PCDH15: variants seen among roughly 807,000 people sequenced by gnomAD.
PCDH15 encodes the protein protocadherin related 15, also known as protocadherin-15.
Under a neutral mutation model 178.5 loss-of-function variants are expected in PCDH15, and 129 were observed. That is an observed-to-expected ratio of 0.72 (90% CI 0.63 to 0.84). The LOEUF is 0.84. PCDH15 is among the 40% of genes least tolerant of loss of function. The pLI is 0.00. For synonymous variants in PCDH15, 800 were observed against 732.0 expected, an observed-to-expected ratio of 1.09 and a Z score of -1.50; for missense variants, 2,230 against 2,099.9, an observed-to-expected ratio of 1.06 and a Z score of -1.21.
intron 3 of PCDH15, among the ~76,000 whole-genome samples, chr10:54,836,042 T>G (rs924889516): frequency 1.3e-5 from 2 of 152,184 alleles, no homozygotes; most frequent in Admixed American, 6.6e-5. Flanking sequence ...TATAAAAAAC[T>G]GAAGGTTTTA....
chr10:54,824,503 C>T (rs1197126604), intron 3 of PCDH15, among the ~76,000 whole-genome samples: 1 of 152,092 alleles, frequency 6.6e-6, no homozygotes, highest in Non-Finnish European at 1.5e-5. Flanking sequence ...AGGCGCTCTC[C>T]AGCCTTTGCT....
chr10:54,617,810 C>CA (rs2093223414), intron 2 of PCDH15, among the ~76,000 whole-genome samples: 1 of 148,126 alleles, frequency 6.8e-6, no homozygotes. Flanking sequence ...CCTATAATCT[C>CA]AGCTACTTGG....
intron 2 of PCDH15, among the ~76,000 whole-genome samples, chr10:54,987,387 A>G (rs10159969): frequency 0.36 from 55,407 of 152,064 alleles, 12,276 homozygotes; most frequent in African/African-American, 0.62. Flanking sequence ...AGCCAGTAAC[A>G]GGATTGCTGG....
chr10:54,477,548 A>G (rs1026439603), intron 3 of PCDH15, among the ~76,000 whole-genome samples: 5 of 152,190 alleles, frequency 3.3e-5, no homozygotes, highest in Non-Finnish European at 7.3e-5. Flanking sequence ...TGTGTACTAC[A>G]TTCTTATAAA....
chr10:55,394,795 A>G (rs1053793666), intron 2 of PCDH15, among the ~76,000 whole-genome samples: 2 of 152,108 alleles, frequency 1.3e-5, no homozygotes, highest in African/African-American at 4.8e-5. Flanking sequence ...TGGATATATT[A>G]TAAAAATCAA....
intron 1 of PCDH15, among the ~76,000 whole-genome samples, chr10:55,254,762 TA>T (rs1204128984): frequency 6.6e-6 from 1 of 152,194 alleles, no homozygotes; most frequent in East Asian, 1.9e-4. Context: ...GAAGCTTATG[TA>T]ATTTGAAATA....
chr10:55,235,906 CAAAAAAAAAAAAAAAA>C (rs144784085), intron 1 of PCDH15, among the ~76,000 whole-genome samples: 1 of 115,630 alleles, frequency 8.6e-6, no homozygotes, highest in African/African-American at 3.2e-5. Flanking sequence ...GACTCCATGT[CAAAAAAAAAAAAAAAA>C]AAAAAAAAAA....
intron 18 of PCDH15, among the ~76,000 whole-genome samples, chr10:54,060,838 A>G (rs1041347897): frequency 6.6e-6 from 1 of 152,140 alleles, no homozygotes; most frequent in African/African-American, 2.4e-5. Flanking sequence ...TGTAAGGAGC[A>G]TAAGAGGTGA....
chr10:55,159,449 T>C (rs1187076659), intron 2 of PCDH15, among the ~76,000 whole-genome samples: 2 of 147,134 alleles, frequency 1.4e-5, no homozygotes, highest in Admixed American at 1.4e-4. Flanking sequence ...ATACATACAC[T>C]ATACAAAGAT....
intron 3 of PCDH15, among the ~76,000 whole-genome samples, chr10:54,811,452 A>G (rs1025586209): frequency 5.3e-5 from 8 of 152,086 alleles, no homozygotes; most frequent in African/African-American, 1.7e-4. Context: ...TAATTCAGTT[A>G]TAGCTAAATA....
chr10:55,476,123 G>A (rs1840057607), intron 2 of PCDH15, among the ~76,000 whole-genome samples: 1 of 152,094 alleles, frequency 6.6e-6, no homozygotes. Context: ...AATAACAGTA[G>A]AGGCTCAATA....
chr10:54,102,834 C>T (rs12243844), intron 15 of PCDH15, among the ~76,000 whole-genome samples: 10,709 of 152,124 alleles, frequency 0.07, 1,093 homozygotes, highest in African/African-American at 0.22. Flanking sequence ...CAGATCCGAG[C>T]TGAAACCCCA....
At chr10:54,296,846 G>C (rs2059827004) in intron 8 of PCDH15, among the ~76,000 whole-genome samples, 1 of 152,128 alleles carries the variant, frequency 6.6e-6, no homozygotes, top group Non-Finnish European at 1.5e-5. Flanking sequence ...CTCAGGGTAT[G>C]GCCCTCCACT....
chr10:55,607,004 G>A (rs1310223299), intron 2 of PCDH15, among the ~76,000 whole-genome samples: 57 of 151,146 alleles, frequency 3.8e-4, no homozygotes, highest in South Asian at 1.1e-3. Context: ...CTCATCTGAC[G>A]AAGGGCTAAT....
chr10:55,505,099 T>C (rs897722949), intron 2 of PCDH15, among the ~76,000 whole-genome samples: 2 of 151,484 alleles, frequency 1.3e-5, no homozygotes, highest in South Asian at 4.1e-4. Context: ...TTTGTTTTTC[T>C]AGAGAACACT....
chr10:54,401,941 A>G, intron 3 of PCDH15, among the ~76,000 whole-genome samples: 1 of 151,878 alleles, frequency 6.6e-6, no homozygotes, highest in East Asian at 1.9e-4. Flanking sequence ...AAATACATCA[A>G]AGAATAAAAA....
intron 2 of PCDH15, among the ~76,000 whole-genome samples, chr10:54,916,413 A>C (rs1194395947): frequency 6.6e-6 from 1 of 152,202 alleles, no homozygotes; most frequent in South Asian, 2.1e-4. Context: ...GCTCTAGTTC[A>C]TATGTATTAT....
chr10:54,436,609 T>G (rs1044567722), intron 3 of PCDH15, among the ~76,000 whole-genome samples: 5 of 152,170 alleles, frequency 3.3e-5, no homozygotes, highest in Admixed American at 6.5e-5. Flanking sequence ...TTTGTTCATT[T>G]AATTGATTTT....
chr10:55,187,252 G>A (rs904540617), intron 1 of PCDH15, among the ~76,000 whole-genome samples: 1 of 151,908 alleles, frequency 6.6e-6, no homozygotes, highest in African/African-American at 2.4e-5. Flanking sequence ...CTATTACATA[G>A]AGGATAAACT....
Sources: gnomAD v4.1 joint callset for allele counts (sites outside exome capture counted in the v4.1 genomes callset) on GRCh38, gnomAD v4.1.1 for gene constraint, MANE v1.5 for transcripts, NCBI Gene and HGNC (gene_info 2026-07-23, HGNC 2026-07-21) for gene names.